Variants in CLSTN2 observed in about 807,000 individuals in gnomAD.
The protein encoded by CLSTN2 is calsyntenin 2, also known as calsyntenin-2.
Under a neutral mutation model 101.2 loss-of-function variants are expected in CLSTN2, and 48 were observed. The ratio of observed to expected loss-of-function variants is 0.47; its 90% confidence interval spans 0.38 to 0.60. CLSTN2 has a LOEUF of 0.60. CLSTN2 is among the 20% of genes least tolerant of loss of function. The pLI is 0.00. For missense variants in CLSTN2, 1,160 were observed against 1,238.2 expected (o/e 0.94, Z 0.95); for synonymous variants, 481 against 463.6 (o/e 1.04, Z -0.48).
At chr3:140,491,597 A>G (rs1243730731) in intron 8 of CLSTN2, among the ~76,000 whole-genome samples, 1 of 152,236 alleles carries the variant, frequency 6.6e-6, no homozygotes, top group Non-Finnish European at 1.5e-5. Context: ...CAAGGCGGGC[A>G]GATTGCTTGA....
intron 5 of CLSTN2, among the ~76,000 whole-genome samples, chr3:140,446,811 G>C (rs1933091706): frequency 6.6e-6 from 1 of 152,160 alleles, no homozygotes; most frequent in South Asian, 2.1e-4. Flanking sequence ...TAAGTCTCAA[G>C]CTAAAGGAGC....
At chr3:140,182,478 G>T (rs1302700491) in intron 2 of CLSTN2, among the ~76,000 whole-genome samples, 1 of 152,116 alleles carries the variant, frequency 6.6e-6, no homozygotes, top group Admixed American at 6.6e-5. Context: ...AGTCTGTCCT[G>T]CCCCACAGCT....
intron 1 of CLSTN2, among the ~76,000 whole-genome samples, chr3:140,076,625 G>GTGTTTTTTTT (rs1236822684): frequency 2.6e-5 from 1 of 38,070 alleles, no homozygotes. Flanking sequence ...CACCAGCAGT[G>GTGTTTTTTTT]TTTTTTTTTT....
intron 2 of CLSTN2, among the ~76,000 whole-genome samples, chr3:140,320,318 A>G (rs1230990378): frequency 6.6e-6 from 1 of 152,180 alleles, no homozygotes; most frequent in African/African-American, 2.4e-5. Flanking sequence ...CACTGGGTCA[A>G]GGAAAGTTAG....
intron 8 of CLSTN2, among the ~76,000 whole-genome samples, chr3:140,523,093 T>C (rs1352741762): frequency 1.3e-5 from 2 of 152,150 alleles, no homozygotes; most frequent in Non-Finnish European, 2.9e-5. Flanking sequence ...TCAGGATTTC[T>C]ACGGCATGTG....
At chr3:140,356,988 A>T (rs1031095330) in intron 2 of CLSTN2, among the ~76,000 whole-genome samples, 1 of 152,118 alleles carries the variant, frequency 6.6e-6, no homozygotes, top group East Asian at 1.9e-4. Context: ...ACCGAGGCTG[A>T]CAGAAGAAAG....
chr3:140,448,513 G>T lies in CLSTN2; in HGVS notation c.788-6G>T, dbSNP rs369746081. On this transcript the variant is annotated splice_region_variant and splice_polypyrimidine_tract_variant and intron_variant, in intron 5 of 16. Transcript: ENST00000458420. ...TTCACTTTTCATCCTTTCCTTGTTT[G>T]TTTAGACTGGACCAAGAGGATTGAG... The T allele has an allele frequency of 1.3e-4, 213 of 1,608,600 alleles. 1 individual carries two copies. Among genetic ancestry groups the T allele is most frequent in the Middle Eastern group, 6.7e-4 (4 of 6,010 alleles).
At chr3:140,528,260 G>C (rs349533) in intron 8 of CLSTN2, among the ~76,000 whole-genome samples, 63,838 of 151,896 alleles carry the variant, frequency 0.42, 16,109 homozygotes, top group African/African-American at 0.7. Context: ...ACTATCACCC[G>C]CTTCTCCCAC....
intron 1 of CLSTN2, among the ~76,000 whole-genome samples, chr3:140,147,603 T>C (rs533087013): frequency 4.6e-5 from 7 of 152,256 alleles, no homozygotes; most frequent in African/African-American, 1.7e-4. Flanking sequence ...CATTGAACAA[T>C]GAATATTAAT....
At chr3:139,965,629 A>C (rs1036665709) in intron 1 of CLSTN2, among the ~76,000 whole-genome samples, 1 of 152,192 alleles carries the variant, frequency 6.6e-6, no homozygotes, top group Non-Finnish European at 1.5e-5. Flanking sequence ...GACGGGGGCA[A>C]ACACAATCCT....
intron 6 of CLSTN2, among the ~76,000 whole-genome samples, chr3:140,457,863 TACATACAA>T (rs1933443701): frequency 6.6e-6 from 1 of 152,220 alleles, no homozygotes; most frequent in South Asian, 2.1e-4. Context: ...TTCCCTTTGA[TACATACAA>T]ACTACAGCAT....
chr3:140,403,666 G>A lies in CLSTN2; in HGVS notation c.270G>A (p.Leu90=), dbSNP rs1559859821. Residue 90 remains leucine (L), a synonymous_variant, in exon 3 of 17, where the codon CTG becomes CTA. Coordinates refer to ENST00000458420, the MANE Select transcript of CLSTN2 (RefSeq NM_022131.3). The part of the protein sequence containing the change: ...ICAFKIHGQE[L]PFEAVVLNKT... Reference sequence around the variant, plus strand: ...CGTTCAAGATCCATGGCCAGGAGCTGCCCTTTGAGGCTGTGGTGCTCAACA... The same window carrying A: ...CGTTCAAGATCCATGGCCAGGAGCTACCCTTTGAGGCTGTGGTGCTCAACA... 6.2e-6 allele frequency: 10 copies of A among 1,613,970 alleles called. No homozygotes were observed. In the East Asian group the frequency reaches 1.1e-4, roughly 18 times the overall value.
intron 1 of CLSTN2, among the ~76,000 whole-genome samples, chr3:140,042,246 G>A (rs1553793310): frequency 1.3e-5 from 2 of 152,034 alleles, no homozygotes; most frequent in Non-Finnish European, 2.9e-5. Flanking sequence ...TCTCCACCAG[G>A]CCCCAGCAGC....
intron 1 of CLSTN2, among the ~76,000 whole-genome samples, chr3:140,084,667 C>T (rs2008651310): frequency 6.6e-6 from 1 of 152,170 alleles, no homozygotes; most frequent in Non-Finnish European, 1.5e-5. Flanking sequence ...GTGCAAGACA[C>T]ACTGATATGG....
intron 2 of CLSTN2, among the ~76,000 whole-genome samples, chr3:140,183,327 T>C (rs2010436768): frequency 6.6e-6 from 1 of 152,174 alleles, no homozygotes; most frequent in Non-Finnish European, 1.5e-5. Flanking sequence ...TCCTGGGATG[T>C]GTGACTTCTA....
At chr3:140,537,864 C>A (rs752625282) in intron 9 of CLSTN2, among the ~76,000 whole-genome samples, 1 of 152,074 alleles carries the variant, frequency 6.6e-6, no homozygotes, top group Non-Finnish European at 1.5e-5. Context: ...GTACTATAAC[C>A]CAGCTGTGCA....
chr3:140,531,159 A>G (rs75245654), intron 8 of CLSTN2, among the ~76,000 whole-genome samples: 6,287 of 152,192 alleles, frequency 0.041, 427 homozygotes, highest in African/African-American at 0.14. Flanking sequence ...AAACTGGGTC[A>G]GGACCTCTCA....
chr3:140,409,169 A>G (rs1324087344), intron 4 of CLSTN2, among the ~76,000 whole-genome samples: 2 of 152,264 alleles, frequency 1.3e-5, no homozygotes, highest in Non-Finnish European at 2.9e-5. Flanking sequence ...TGACTGCTAT[A>G]GTCATGCATG....
chr3:140,526,826 A>G (rs1935153246), intron 8 of CLSTN2, among the ~76,000 whole-genome samples: 1 of 152,156 alleles, frequency 6.6e-6, no homozygotes, highest in East Asian at 1.9e-4. Flanking sequence ...ACAAAAATAA[A>G]CAATGGAATA....
Sources: allele counts gnomAD v4.1 joint callset (sites outside exome capture counted in the v4.1 genomes callset), GRCh38; gene constraint gnomAD v4.1.1; transcripts MANE v1.5; gene names NCBI Gene and HGNC (gene_info 2026-07-23, HGNC 2026-07-21).